SCNN1B: variants seen among roughly 807,000 people sequenced by gnomAD.
SCNN1B encodes epithelial sodium channel subunit beta.
A neutral mutation model predicts 65.3 loss-of-function variants in SCNN1B; 46 were observed. That is an observed-to-expected ratio of 0.70 (90% confidence interval 0.56 to 0.90). SCNN1B has a LOEUF of 0.90. SCNN1B is among the 40% of genes least tolerant of loss of function. The pLI, the probability that SCNN1B is intolerant of heterozygous loss-of-function variation, is 0.00. For missense variants in SCNN1B, 751 were observed against 830.5 expected (o/e 0.90, Z 1.18); for synonymous variants, 349 against 330.6 (o/e 1.06, Z -0.60).
chr16:23,359,941 G>A (rs1308231881), intron 4 of SCNN1B, among the ~76,000 whole-genome samples: 3 of 152,152 alleles, frequency 2.0e-5, no homozygotes, highest in Non-Finnish European at 4.4e-5. Context: ...GGTGGCTCAC[G>A]CCTATAATCC....
chr16:23,324,872 G>A (rs1961659841), intron 1 of SCNN1B, among the ~76,000 whole-genome samples: 1 of 152,234 alleles, frequency 6.6e-6, no homozygotes, highest in Non-Finnish European at 1.5e-5. Flanking sequence ...CTGGGGATGG[G>A]CTTAGGTGCT....
chr16:23,350,388 C>T (rs1962283083), intron 2 of SCNN1B, among the ~76,000 whole-genome samples: 2 of 152,228 alleles, frequency 1.3e-5, no homozygotes, highest in South Asian at 2.1e-4. Flanking sequence ...GATAGCAAGA[C>T]CTGTGAAGGG....
At chr16:23,374,200 A>G (rs2142041836) in intron 7 of SCNN1B, among the ~76,000 whole-genome samples, 1 of 143,316 alleles carries the variant, frequency 7.0e-6, no homozygotes, top group East Asian at 2.2e-4. Flanking sequence ...CAAGAGTTTG[A>G]GGATGCAGAG....
At chr16:23,278,310 A>C (rs1960734199) in exon 1 of SCNN1B, 1 of 152,236 alleles carries the variant, frequency 6.6e-6, no homozygotes. Context: ...GTTGCCAAGA[A>C]GGACAACAAC....
chr16:23,336,623 G>T (rs1025182109), intron 1 of SCNN1B, among the ~76,000 whole-genome samples: 1 of 152,056 alleles, frequency 6.6e-6, no homozygotes, highest in Admixed American at 6.5e-5. Flanking sequence ...GCCCACCTCG[G>T]CCTCCCAAAG....
chr16:23,282,369 TACA>T (rs1330413800), intron 1 of SCNN1B, among the ~76,000 whole-genome samples: 1 of 152,206 alleles, frequency 6.6e-6, no homozygotes, highest in Non-Finnish European at 1.5e-5. Flanking sequence ...ATTTAATCTT[TACA>T]ACAATAACAT....
At chr16:23,302,833 C>T (rs1430452868) in intron 1 of SCNN1B, among the ~76,000 whole-genome samples, 2 of 152,168 alleles carry the variant, frequency 1.3e-5, no homozygotes. Flanking sequence ...CTTGCTCAAA[C>T]GACCTAACTT....
At chr16:23,362,763 T>G (rs1236833822) in intron 4 of SCNN1B, among the ~76,000 whole-genome samples, 2 of 152,228 alleles carry the variant, frequency 1.3e-5, no homozygotes, top group Non-Finnish European at 2.9e-5. Flanking sequence ...CTGGGCTGCA[T>G]CTGACCAAGA....
intron 7 of SCNN1B, chr16:23,372,131 G>A: frequency 1.8e-6 from 1 of 569,696 alleles, no homozygotes; most frequent in Non-Finnish European, 3.2e-6. Flanking sequence ...GGATTATGGG[G>A]ATCTTACTCT....
intron 1 of SCNN1B, among the ~76,000 whole-genome samples, chr16:23,331,743 T>G (rs1961816681): frequency 6.6e-6 from 1 of 152,122 alleles, no homozygotes; most frequent in Non-Finnish European, 1.5e-5. Context: ...GGGGACACAT[T>G]CATTCAGATC....
chr16:23,284,634 C>A (rs1224904207), intron 2 of SCNN1B, among the ~76,000 whole-genome samples: 2 of 152,062 alleles, frequency 1.3e-5, no homozygotes, highest in Admixed American at 6.6e-5. Flanking sequence ...GAGGGAGCAA[C>A]CTCAGATGCC....
At chr16:23,282,552 T>G (rs1960798155) in intron 1 of SCNN1B, among the ~76,000 whole-genome samples, 2 of 152,212 alleles carry the variant, frequency 1.3e-5, no homozygotes, top group East Asian at 3.9e-4. Flanking sequence ...CCATCATGAG[T>G]TGAAAATATC....
At chr16:23,323,432 AG>A (rs1961629397) in intron 1 of SCNN1B, 1 of 652,954 alleles carries the variant, frequency 1.5e-6, no homozygotes, top group East Asian at 2.7e-5. Flanking sequence ...TATGCAAATA[AG>A]AAGCCTCTCA....
At chr16:23,316,589 T>C (rs111067696) in intron 1 of SCNN1B, among the ~76,000 whole-genome samples, 37,704 of 119,272 alleles carry the variant, frequency 0.32, 4,810 homozygotes, top group Middle Eastern at 0.48. Flanking sequence ...CATCACCATC[T>C]TCACCACCAT....
intron 1 of SCNN1B, among the ~76,000 whole-genome samples, chr16:23,317,653 C>G (rs755243817): frequency 1.6e-4 from 24 of 152,282 alleles, no homozygotes; most frequent in Non-Finnish European, 3.4e-4. Flanking sequence ...AAAGGGTTCC[C>G]CAGAGCGGCT....
chr16:23,324,512 A>G (rs968059600), intron 1 of SCNN1B, among the ~76,000 whole-genome samples: 6 of 152,072 alleles, frequency 3.9e-5, no homozygotes, highest in Non-Finnish European at 7.4e-5. Context: ...CACATTTTTA[A>G]TAATAATAGG....
In SCNN1B at chr16:23,311,816, G is replaced by C. The variant is rs74012873; in HGVS notation, c.-9+9379G>C. On this transcript the variant is annotated intron_variant, in intron 1 of 12. Coordinates refer to ENST00000343070, the MANE Select transcript of SCNN1B (RefSeq NM_000336.3). ...CTGATACATGCCTGGCTCATTAATG[G>C]GGCCAGGAGGGGAGTGTTGGAGAGG... Among the ~76,000 whole-genome samples the C allele has an allele frequency of 1.5e-3, 222 of 152,192 alleles. 1 individual carries two copies. The highest frequency in any genetic ancestry group is 5.2e-3 in the African/African-American group (216 of 41,508).
At chr16:23,360,108 T>TAGGAGGCTGAACCCAGG (rs1328308602) in intron 4 of SCNN1B, among the ~76,000 whole-genome samples, 3 of 150,608 alleles carry the variant, frequency 2.0e-5, no homozygotes, top group African/African-American at 7.3e-5. Flanking sequence ...GAGGCTGAGG[T>TAGGAGGCTGAACCCAGG]AGGAGGCTGA....
intron 4 of SCNN1B, among the ~76,000 whole-genome samples, chr16:23,365,569 A>AAGAAAGAAAGAAAGAAAG: frequency 2.3e-5 from 2 of 85,184 alleles, no homozygotes; most frequent in South Asian, 7.3e-4. Context: ...GAAAGAAAGA[A>AAGAAAGAAAGAAAGAAAG]AGAAAGAAAG....
Sources: gnomAD v4.1 joint callset for allele counts (sites outside exome capture counted in the v4.1 genomes callset) on GRCh38, gnomAD v4.1.1 for gene constraint, MANE v1.5 for transcripts, NCBI Gene and HGNC (gene_info 2026-07-23, HGNC 2026-07-21) for gene names.